Variants in HTR2C observed in about 807,000 individuals in gnomAD.
HTR2C encodes 5-hydroxytryptamine (serotonin) receptor 2C, G protein-coupled.
In HTR2C, 5 loss-of-function variants were observed where a neutral mutation model predicts 21.0. The observed-to-expected ratio is 0.24, with a 90% CI of 0.12 to 0.50. The LOEUF (loss-of-function observed/expected upper bound fraction) is 0.50. HTR2C is among the 20% of genes least tolerant of loss of function. HTR2C has a pLI of 0.98. For synonymous variants in HTR2C, 150 were observed against 145.3 expected (o/e 1.03, Z -0.23); for missense variants, 271 against 371.2 (o/e 0.73, Z 2.22).
At chrX:114,625,124 C>A (rs1353672366) in intron 2 of HTR2C, among the ~76,000 whole-genome samples, 4 of 111,690 alleles carry the variant, frequency 3.6e-5, no homozygotes, top group African/African-American at 1.3e-4. Context: ...GAGCCTGTCA[C>A]CTCCCTCCCC....
At chrX:114,749,477 G>GA (rs1271102867) in intron 4 of HTR2C, among the ~76,000 whole-genome samples, 56 of 61,074 alleles carry the variant, frequency 9.2e-4, no homozygotes, top group Non-Finnish European at 1.4e-3. Context: ...AAAAAAAAAA[G>GA]AAAAAAAAAA....
At chrX:114,806,075 C>CCATATAT (rs1556449257) in intron 4 of HTR2C, among the ~76,000 whole-genome samples, 1 of 17,302 alleles carries the variant, frequency 5.8e-5, no homozygotes, top group Non-Finnish European at 1.6e-4. Flanking sequence ...ACCATATATA[C>CCATATAT]ACCATATATA....
chrX:114,609,525 G>A (rs182689859), intron 1 of HTR2C, among the ~76,000 whole-genome samples: 2 of 110,972 alleles, frequency 1.8e-5, no homozygotes, highest in African/African-American at 3.3e-5. Flanking sequence ...GACCACGTTC[G>A]GTTGGACTTC....
intron 2 of HTR2C, among the ~76,000 whole-genome samples, chrX:114,620,757 A>T: frequency 8.9e-6 from 1 of 112,392 alleles, no homozygotes; most frequent in South Asian, 3.6e-4. Context: ...ACCATAATTC[A>T]TACATTTTAT....
At chrX:114,584,785 G>A (rs1556389057) in intron 1 of HTR2C, 126 bp downstream of exon 1, 2 of 111,007 alleles carry the variant, frequency 1.8e-5, no homozygotes, top group African/African-American at 6.6e-5. Context: ...CCTAGCGGAG[G>A]TTGGGGGGAG....
chrX:114,746,972 G>A (rs1005533811), intron 4 of HTR2C, among the ~76,000 whole-genome samples: 5 of 110,383 alleles, frequency 4.5e-5, no homozygotes, highest in African/African-American at 1.3e-4. Context: ...GCGACAGAGC[G>A]AGACTCCGTC....
intron 4 of HTR2C, among the ~76,000 whole-genome samples, chrX:114,799,794 T>TA (rs1224006018): frequency 9.0e-6 from 1 of 111,106 alleles, no homozygotes; most frequent in East Asian, 2.8e-4. Flanking sequence ...ATAATTTGTC[T>TA]ATTTGTATAC....
At chrX:114,731,781 G>C (rs1556423466) in intron 4 of HTR2C, among the ~76,000 whole-genome samples, 174 bp downstream of exon 4, 1 of 111,664 alleles carries the variant, frequency 9.0e-6, no homozygotes, top group Admixed American at 9.6e-5. Flanking sequence ...ATCAGTAACA[G>C]TCTTCCAAAA....
intron 5 of HTR2C, among the ~76,000 whole-genome samples, chrX:114,851,102 T>C (rs925716885): frequency 1.6e-4 from 18 of 111,848 alleles, no homozygotes; most frequent in African/African-American, 5.8e-4. Context: ...ATATACATAG[T>C]ATATACATTA....
intron 2 of HTR2C, among the ~76,000 whole-genome samples, chrX:114,630,084 A>G (rs1929549549): frequency 8.9e-6 from 1 of 111,845 alleles, no homozygotes; most frequent in Admixed American, 9.5e-5. Flanking sequence ...TGTTTTGTAC[A>G]TTTGAGAGAA....
At chrX:114,849,350 ACT>A (rs2070897851) in intron 5 of HTR2C, among the ~76,000 whole-genome samples, 1 of 112,036 alleles carries the variant, frequency 8.9e-6, no homozygotes, top group South Asian at 3.6e-4. Context: ...ATTTGCAATG[ACT>A]CTTGTGCTAA....
At chrX:114,753,153 GC>G (rs1413247613) in intron 4 of HTR2C, among the ~76,000 whole-genome samples, 1 of 109,532 alleles carries the variant, frequency 9.1e-6, no homozygotes, top group Non-Finnish European at 1.9e-5. Flanking sequence ...TACTGGAGAG[GC>G]CTGTAACTCA....
Position 114,848,037 on chromosome X carries a change from C to T in HTR2C, c.384C>T (p.Pro128=), listed in dbSNP as rs782209211. 5.0e-6 allele frequency: 6 copies of T among 1,209,333 alleles called. No individual in the cohort carries two copies. Among genetic ancestry groups the T allele is most frequent in the South Asian group, 1.8e-5 (1 of 56,867 alleles). The change falls in exon 5 of 6, where the codon CCC becomes CCT. Residue 128 remains proline (P), a synonymous_variant. Coordinates refer to ENST00000276198, the MANE Select transcript of HTR2C (RefSeq NM_000868.4). ...YVWPLPRYLC[P]VWISLDVLFS... Reference sequence around the variant, plus strand: ...GGCCACTACCTAGATATTTGTGCCCCGTCTGGATTTCTTTAGATGTTTTAT... The same window carrying T: ...GGCCACTACCTAGATATTTGTGCCCTGTCTGGATTTCTTTAGATGTTTTAT...
At chrX:114,611,272 A>G (rs1212476144) in intron 1 of HTR2C, among the ~76,000 whole-genome samples, 1 of 112,059 alleles carries the variant, frequency 8.9e-6, no homozygotes, top group Admixed American at 9.5e-5. Context: ...ATTCCCTCCC[A>G]GGGTACTTGA....
chrX:114,828,199 CTT>C (rs2070693852), intron 4 of HTR2C, among the ~76,000 whole-genome samples: 1 of 111,165 alleles, frequency 9.0e-6, no homozygotes, highest in Admixed American at 9.6e-5. Context: ...TTTCATGACT[CTT>C]TATCTGTCAT....
At chrX:114,758,397 A>G (rs2069834327) in intron 4 of HTR2C, among the ~76,000 whole-genome samples, 1 of 108,881 alleles carries the variant, frequency 9.2e-6, no homozygotes, top group Admixed American at 1.0e-4. Context: ...CTCTATCTCT[A>G]CAAAAAAAAC....
In HTR2C at chrX:114,588,660, C is replaced by T. The variant is rs181465558; in HGVS notation, c.-147+4001C>T. ...TGTCTTCTTTAAACTAATCAGTAAA[C>T]GCTTACGAATAAATGTCAGTGTTCA... On this transcript the variant is annotated intron_variant, in intron 1 of 5. Coordinates refer to ENST00000276198, the MANE Select transcript of HTR2C (RefSeq NM_000868.4). Among the ~76,000 whole-genome samples, 234 of 111,620 alleles carry T rather than the reference C, an allele frequency of 2.1e-3. 3 individuals carry two copies. Among genetic ancestry groups the T allele is most frequent in the African/African-American group, 7.2e-3 (221 of 30,801 alleles).
intron 4 of HTR2C, among the ~76,000 whole-genome samples, chrX:114,757,894 T>C: frequency 9.0e-6 from 1 of 111,453 alleles, no homozygotes; most frequent in Non-Finnish European, 1.9e-5. Context: ...AAGATACCTG[T>C]AAAGAGGTAG....
At chrX:114,775,123 A>T (rs2070043786) in intron 4 of HTR2C, 8 of 517,067 alleles carry the variant, frequency 1.5e-5, no homozygotes, top group Non-Finnish European at 2.8e-5. Context: ...TGTTGCTTTC[A>T]TGTGGAATGC....
Sources: allele counts gnomAD v4.1 joint callset (sites outside exome capture counted in the v4.1 genomes callset), GRCh38; gene constraint gnomAD v4.1.1; transcripts MANE v1.5; gene names NCBI Gene and HGNC (gene_info 2026-07-23, HGNC 2026-07-21).